Variants in ZFYVE9 observed in about 807,000 individuals in gnomAD.
ZFYVE9 encodes zinc finger FYVE domain-containing protein 9.
In ZFYVE9, 43 loss-of-function variants were observed where a neutral mutation model predicts 126.7. That is an observed-to-expected ratio of 0.34 (90% CI 0.27 to 0.44). The LOEUF (loss-of-function observed/expected upper bound fraction) is 0.44, where lower values mean the gene tolerates loss of function less well. Among genes scored for constraint, ZFYVE9 ranks in the 20% least tolerant of loss-of-function variants. The pLI, the probability that ZFYVE9 is intolerant of heterozygous loss-of-function variation, is 1.00. For synonymous variants in ZFYVE9, 521 were observed against 597.4 expected, an observed-to-expected ratio of 0.87 and a Z score of 1.87; for missense variants, 1,476 against 1,697.0, an observed-to-expected ratio of 0.87 and a Z score of 2.29.
At chr1:52,236,215 T>C (rs1014736167) in intron 3 of ZFYVE9, among the ~76,000 whole-genome samples, 6 of 152,190 alleles carry the variant, frequency 3.9e-5, no homozygotes, top group Admixed American at 6.5e-5. Flanking sequence ...CTGCTTTTAC[T>C]ATGGTAGATA....
intron 1 of ZFYVE9, among the ~76,000 whole-genome samples, chr1:52,178,303 A>G (rs1311492376): frequency 1.4e-5 from 2 of 142,870 alleles, no homozygotes; most frequent in Non-Finnish European, 3.0e-5. Context: ...AAAAAAAAAA[A>G]GGTAGGCTAC....
intron 1 of ZFYVE9, among the ~76,000 whole-genome samples, chr1:52,186,134 G>C (rs1644762971): frequency 6.7e-6 from 1 of 150,094 alleles, no homozygotes; most frequent in African/African-American, 2.5e-5. Context: ...TAGTTACTTG[G>C]GAGCCTGAGG....
chr1:52,274,617 T>A (rs752118484), intron 8 of ZFYVE9, 33 bp downstream of exon 8: 11 of 1,556,494 alleles, frequency 7.1e-6, no homozygotes, highest in Non-Finnish European at 8.8e-6. Context: ...CAGTGATAGT[T>A]CTATCTGCCA....
chr1:52,229,587 A>G (rs1320003246), intron 2 of ZFYVE9, among the ~76,000 whole-genome samples: 2 of 152,202 alleles, frequency 1.3e-5, no homozygotes, highest in Admixed American at 6.5e-5. Flanking sequence ...CTGCTTATAC[A>G]CTGTTCATTT....
intron 2 of ZFYVE9, among the ~76,000 whole-genome samples, chr1:52,223,657 G>T (rs932272062): frequency 1.3e-5 from 2 of 152,038 alleles, no homozygotes; most frequent in Non-Finnish European, 2.9e-5. Context: ...AATTCTATGG[G>T]CCTTTCATCT....
intron 4 of ZFYVE9, among the ~76,000 whole-genome samples, chr1:52,251,160 C>T (rs1396196029): frequency 2.0e-5 from 3 of 152,028 alleles, no homozygotes; most frequent in East Asian, 1.9e-4. Context: ...CAACCTCTGC[C>T]TCTCGGGTTC....
At chr1:52,191,059 G>A (rs181494968) in intron 1 of ZFYVE9, among the ~76,000 whole-genome samples, 209 of 151,838 alleles carry the variant, frequency 1.4e-3, no homozygotes, top group African/African-American at 4.7e-3. Context: ...GCCCCCTAAC[G>A]CCTCCAGTGG....
At chr1:52,173,246 T>A (rs1644590545) in intron 1 of ZFYVE9, among the ~76,000 whole-genome samples, 1 of 152,258 alleles carries the variant, frequency 6.6e-6, no homozygotes, top group Non-Finnish European at 1.5e-5. Flanking sequence ...TTTTTCTGCA[T>A]CTACTGAGAT....
chr1:52,197,836 C>T (rs920078625), intron 1 of ZFYVE9, among the ~76,000 whole-genome samples: 2 of 152,136 alleles, frequency 1.3e-5, no homozygotes, highest in African/African-American at 4.8e-5. Context: ...GGAGGATGCA[C>T]AGAAAGTAGA....
At chr1:52,247,317 G>A (rs1297160784) in intron 4 of ZFYVE9, among the ~76,000 whole-genome samples, 2 of 152,042 alleles carry the variant, frequency 1.3e-5, no homozygotes, top group Non-Finnish European at 2.9e-5. Flanking sequence ...CTCTTCTCCT[G>A]AAAGCCATCT....
intron 14 of ZFYVE9, among the ~76,000 whole-genome samples, chr1:52,333,599 G>C (rs1323679291): frequency 6.6e-6 from 1 of 152,086 alleles, no homozygotes; most frequent in African/African-American, 2.4e-5. Context: ...GTTTTCTCAG[G>C]CACCATGGTG....
At chr1:52,289,198 C>T (rs536331299) in intron 10 of ZFYVE9, among the ~76,000 whole-genome samples, 38 of 152,042 alleles carry the variant, frequency 2.5e-4, no homozygotes, top group Non-Finnish European at 4.6e-4. Flanking sequence ...TGAAAGGCTG[C>T]GTGACATACA....
At chr1:52,263,724 G>A in intron 4 of ZFYVE9, 49 bp from the exon 5 acceptor site, 2 of 1,046,094 alleles carry the variant, frequency 1.9e-6, no homozygotes, top group East Asian at 5.1e-5. Flanking sequence ...CTCTTTGCAT[G>A]GCAATCCCAA....
chr1:52,333,226 G>A (rs1243505581), intron 14 of ZFYVE9, among the ~76,000 whole-genome samples: 2 of 150,768 alleles, frequency 1.3e-5, no homozygotes, highest in South Asian at 2.1e-4. Flanking sequence ...CATGGCATGT[G>A]TATACGTATG....
chr1:52,220,886 T>C (rs1645118545), intron 2 of ZFYVE9, among the ~76,000 whole-genome samples: 1 of 152,210 alleles, frequency 6.6e-6, no homozygotes, highest in Non-Finnish European at 1.5e-5. Flanking sequence ...AGCTGTTTGA[T>C]CTGCAAGGTT....
At chr1:52,237,347 C>T (rs530820628) in intron 3 of ZFYVE9, 141 bp from the exon 4 acceptor site, 1 of 750,486 alleles carries the variant, frequency 1.3e-6, no homozygotes, top group Admixed American at 3.2e-5. Flanking sequence ...AATATATTTT[C>T]TTATTTTTTA....
At chr1:52,266,858 CTT>C (rs776693591) in intron 6 of ZFYVE9, 27 bp downstream of exon 6, 13 of 1,527,792 alleles carry the variant, frequency 8.5e-6, no homozygotes, top group Non-Finnish European at 9.7e-6. Context: ...TATTCTCTCT[CTT>C]TTTCCTCACG....
intron 1 of ZFYVE9, among the ~76,000 whole-genome samples, chr1:52,200,758 A>C (rs2124568244): frequency 6.6e-6 from 1 of 152,294 alleles, no homozygotes; most frequent in Admixed American, 6.5e-5. Flanking sequence ...TAAAAATACT[A>C]TCTCTGATCC....
At chr1:52,173,534 G>A (rs906515424) in intron 1 of ZFYVE9, among the ~76,000 whole-genome samples, 4 of 152,034 alleles carry the variant, frequency 2.6e-5, no homozygotes, top group Non-Finnish European at 4.4e-5. Context: ...GTTAGGGAGG[G>A]TTCCCTCTTT....
Sources: gnomAD v4.1 joint callset for allele counts (sites outside exome capture counted in the v4.1 genomes callset) on GRCh38, gnomAD v4.1.1 for gene constraint, MANE v1.5 for transcripts, NCBI Gene and HGNC (gene_info 2026-07-23, HGNC 2026-07-21) for gene names.